SLC25A44: variants seen among roughly 807,000 people sequenced by gnomAD.
SLC25A44 encodes the protein solute carrier family 25 member 44.
A neutral mutation model predicts 29.9 loss-of-function variants in SLC25A44; 17 were observed. That is an observed-to-expected ratio of 0.57 (90% CI 0.39 to 0.85). The LOEUF is 0.85. Ranked by LOEUF, SLC25A44 falls within the 40% of genes least tolerant of loss-of-function variation. SLC25A44 has a pLI of 0.00. For synonymous variants in SLC25A44, 140 were observed against 151.8 expected, an observed-to-expected ratio of 0.92 and a Z score of 0.57; for missense variants, 302 against 398.4, an observed-to-expected ratio of 0.76 and a Z score of 2.06.
chr1:156,212,791 C>T lies in SLC25A44; in HGVS notation c.*2360C>T. On this transcript the variant is annotated 3_prime_UTR_variant, in exon 4 of 4. Transcript: ENST00000359511. ...ATGTAATTAAAAGTTTTTATTGAGC[C>T]CCCGAGCTTTGGCTTGCGCGTATTT... 1 of 628,866 alleles carries T rather than the reference C, an allele frequency of 1.6e-6. No homozygotes were observed. Among genetic ancestry groups the T allele is most frequent in the South Asian group, 2.0e-5 (1 of 49,178 alleles). 39.0% of individuals were successfully genotyped at this position (628,866 alleles called of 1,614,324 possible). A position where few individuals can be genotyped will look rare whatever the true frequency, so the allele number is the denominator to read the frequency against.
chr1:156,207,802 G>C, intron 2 of SLC25A44, 84 bp from the exon 3 acceptor site: 2 of 1,538,746 alleles, frequency 1.3e-6, no homozygotes, highest in Non-Finnish European at 1.8e-6. Context: ...GGTTGGGAAA[G>C]CCACCTGGTA....
At position 156,194,115 on chromosome 1, in the gene SLC25A44, C is replaced by T. The variant is rs41265025; in HGVS notation, c.-146C>T. On this transcript the variant is annotated 5_prime_UTR_variant, in exon 1 of 4. Coordinates refer to ENST00000359511, the MANE Select transcript of SLC25A44 (RefSeq NM_014655.4). ...TTCCGGTTCCGGCAGTACCGGTAGCCCAGTCGAGATGGAGGAAGATGCGAC... is the reference window on the plus strand; with the variant it reads ...TTCCGGTTCCGGCAGTACCGGTAGCTCAGTCGAGATGGAGGAAGATGCGAC... 33,213 of 152,754 alleles carry T rather than the reference C, an allele frequency of 0.22. 4,090 individuals are homozygous for T. Among genetic ancestry groups the T allele is most frequent in the Non-Finnish European group, 0.28 (18,756 of 68,012 alleles). 9.5% of individuals were successfully genotyped at this position (152,754 alleles called of 1,614,324 possible).
In SLC25A44 at chr1:156,199,568, G is replaced by A. The variant is rs571516132; in HGVS notation, c.-13-267G>A. 1.3e-5 allele frequency: 6 copies of A among 468,472 alleles called. No individual in the cohort carries two copies. In the South Asian group the frequency reaches 1.4e-4, roughly 11 times the overall value. The allele number at this position is 468,472 out of a possible 1,614,324, so 29.0% of individuals were successfully genotyped here. On this transcript the variant is annotated intron_variant, in intron 1 of 3. Transcript: ENST00000359511. ...AGCCGAGGAGGCCATGGAGCCAGGG[G>A]AATCATTGAAGTGAGGGACAATTTC...
rs1656473817 is a variant in SLC25A44, at chr1:156,200,234, C to T, written c.387C>T (p.Pro129=). The T allele has an allele frequency of 6.2e-7, 1 of 1,614,144 alleles. No homozygotes were observed. Among genetic ancestry groups the T allele is most frequent in the Non-Finnish European group, 8.5e-7 (1 of 1,180,014 alleles). ...ASLVAQSITV[P]IDVVSQHLMM... is the part of the protein sequence containing the mutation. ...TTGTGGCCCAGAGCATCACAGTGCC[C>T]ATTGATGTAGTCTCCCAGCACCTGA... The change falls in exon 2 of 4, where the codon CCC becomes CCT. Residue 129 remains proline, a synonymous_variant. Transcript: ENST00000359511.
At chr1:156,204,050 C>T (rs1656774075) in intron 2 of SLC25A44, among the ~76,000 whole-genome samples, 1 of 145,304 alleles carries the variant, frequency 6.9e-6, no homozygotes, top group Admixed American at 7.0e-5. Context: ...TCTTGTTGCC[C>T]AAACTGGAGT....
rs1486027597 is a variant in SLC25A44, at chr1:156,212,784, A to G, written c.*2353A>G. ...CTCTGAAATGTAATTAAAAGTTTTT[A>G]TTGAGCCCCCGAGCTTTGGCTTGCG... On this transcript the variant is annotated 3_prime_UTR_variant, in exon 4 of 4. Transcript: ENST00000359511. 3 of 603,380 alleles carry G rather than the reference A, an allele frequency of 5.0e-6. No homozygotes were observed. The African/African-American group carries it at 5.6e-5, about 11-fold the overall frequency. 37.4% of individuals were successfully genotyped at this position (603,380 alleles called of 1,614,324 possible).
chr1:156,198,809 G>A lies in SLC25A44; in HGVS notation c.-13-1026G>A, dbSNP rs781389303. The A allele has an allele frequency of 6.6e-6, 1 of 152,170 alleles. No homozygotes were observed. The highest frequency in any genetic ancestry group is 1.5e-5 in the Non-Finnish European group (1 of 68,040). The allele number at this position is 152,170 out of a possible 1,614,324, so 9.4% of individuals were successfully genotyped here. A position where few individuals can be genotyped will look rare whatever the true frequency, so the allele number is the denominator to read the frequency against. Reference sequence around the variant, plus strand: ...CGATACTGTGTATCCTTGAACAGACGGTTTCTTGAAGTCAGAGTCTATCTC... The same window carrying A: ...CGATACTGTGTATCCTTGAACAGACAGTTTCTTGAAGTCAGAGTCTATCTC... On this transcript the variant is annotated intron_variant, in intron 1 of 3. Transcript: ENST00000359511. This position sits in a 1 kb window ranked among gnomAD's most constrained non-coding sequence, Gnocchi z 4.1.
chr1:156,210,081 C>T (rs1216498647), intron 3 of SLC25A44, among the ~76,000 whole-genome samples, 159 bp from the exon 4 acceptor site: 1 of 152,072 alleles, frequency 6.6e-6, no homozygotes, highest in African/African-American at 2.4e-5. Context: ...GGCACCAGGG[C>T]TCATACTAAA....
Position 156,199,818 on chromosome 1 carries a change from T to C in SLC25A44, c.-13-17T>C. On this transcript the variant is annotated splice_polypyrimidine_tract_variant and intron_variant, in intron 1 of 3. Coordinates refer to ENST00000359511, the MANE Select transcript of SLC25A44 (RefSeq NM_014655.4). ...CACCCTCCTTCTTCACATCCCTCCA[T>C]ACTGCTCAAATCCCAGGTCTTCAGG... The C allele has an allele frequency of 3.8e-6, 6 of 1,599,172 alleles. No homozygotes were observed. In the South Asian group the frequency reaches 6.8e-5, roughly 18 times the overall value.
chr1:156,199,724 GAGT>G, intron 1 of SLC25A44, 108 bp from the exon 2 acceptor site: 12 of 855,650 alleles, frequency 1.4e-5, no homozygotes, highest in Admixed American at 5.3e-5. Context: ...TTGGGCAGGT[GAGT>G]GTCCAGGAGA....
intron 1 of SLC25A44, among the ~76,000 whole-genome samples, chr1:156,195,104 A>ATTT (rs1191256706): frequency 2.2e-5 from 3 of 136,798 alleles, no homozygotes; most frequent in African/African-American, 8.1e-5. Context: ...CTACAGCTCT[A>ATTT]TTTTTTTTTT....
chr1:156,210,507 C>T lies in SLC25A44; in HGVS notation c.*76C>T. The T allele has an allele frequency of 9.2e-7, 1 of 1,084,366 alleles. No homozygotes were observed. Among genetic ancestry groups the T allele is most frequent in the Non-Finnish European group, 1.3e-6 (1 of 776,872 alleles). The allele number at this position is 1,084,366 out of a possible 1,614,324, so 67.2% of individuals were successfully genotyped here. On this transcript the variant is annotated 3_prime_UTR_variant, in exon 4 of 4. Transcript: ENST00000359511. Reference sequence around the variant, plus strand: ...GGCAGAGTGGAGAGGACAGCACCCTCTCCAGGTGCTCCCACCACACACCCA... The same window carrying T: ...GGCAGAGTGGAGAGGACAGCACCCTTTCCAGGTGCTCCCACCACACACCCA...
chr1:156,200,097 C>G lies in SLC25A44; in HGVS notation c.250C>G (p.Leu84Val). 1 of 1,614,186 alleles carries G rather than the reference C, an allele frequency of 6.2e-7. No homozygotes were observed. Among genetic ancestry groups the G allele is most frequent in the Non-Finnish European group, 8.5e-7 (1 of 1,180,042 alleles). ...AGGGTTCCTGGTCAATACCTTCACC[C>G]TCATCTCTGGCCAGTGTTATGTCAC... ...YRGFLVNTFTLISGQCYVTTY... is the reference protein window; with the variant it reads ...YRGFLVNTFTVISGQCYVTTY... Residue 84 changes from leucine to valine, a missense_variant, in exon 2 of 4, where the codon CTC becomes GTC. Coordinates refer to ENST00000359511, the MANE Select transcript of SLC25A44 (RefSeq NM_014655.4).
chr1:156,200,545 A>G, intron 2 of SLC25A44, 73 bp downstream of exon 2: 1 of 1,376,228 alleles, frequency 7.3e-7, no homozygotes, highest in African/African-American at 1.4e-5. Flanking sequence ...TGCTTTGTGC[A>G]TGTTAGAGTG....
At chr1:156,208,854 GACAGTTAC>G (rs1657119075) in intron 3 of SLC25A44, among the ~76,000 whole-genome samples, 1 of 152,206 alleles carries the variant, frequency 6.6e-6, no homozygotes, top group South Asian at 2.1e-4. Context: ...TCAGCTTAAA[GACAGTTAC>G]ACAGCACCTA....
At chr1:156,202,663 C>CAT (rs1363126549) in intron 2 of SLC25A44, among the ~76,000 whole-genome samples, 1 of 152,194 alleles carries the variant, frequency 6.6e-6, no homozygotes, top group Non-Finnish European at 1.5e-5. Flanking sequence ...TCCCCTTTTT[C>CAT]ATCCCCATGA....
chr1:156,200,179 A>G lies in SLC25A44; in HGVS notation c.332A>G (p.Lys111Arg). The G allele has an allele frequency of 6.2e-7, 1 of 1,614,204 alleles. No homozygotes were observed. The highest frequency in any genetic ancestry group is 1.1e-5 in the South Asian group (1 of 91,082). The change falls in exon 2 of 4, where the codon AAA becomes AGA. Residue 111 changes from lysine (K) to arginine (R), a missense_variant. Coordinates refer to ENST00000359511, the MANE Select transcript of SLC25A44 (RefSeq NM_014655.4). ...GACTACAGCCAGAGTAACACAGTCAAATCACTGGTGGCTGGTGGCTCAGCC... is the reference window on the plus strand; with the variant it reads ...GACTACAGCCAGAGTAACACAGTCAGATCACTGGTGGCTGGTGGCTCAGCC... Reference protein sequence around the residue: ...VADYSQSNTVKSLVAGGSASL... With the variant: ...VADYSQSNTVRSLVAGGSASL...
intron 3 of SLC25A44, among the ~76,000 whole-genome samples, chr1:156,209,438 G>T (rs1194803868): frequency 6.6e-6 from 1 of 152,178 alleles, no homozygotes; most frequent in Non-Finnish European, 1.5e-5. Flanking sequence ...AGCGGGGGAT[G>T]TTCTTAGCCA....
In SLC25A44 at chr1:156,199,895, C is replaced by A. The variant is rs750399695; in HGVS notation, c.48C>A (p.Asp16Glu). 1 of 1,614,002 alleles carries A rather than the reference C, an allele frequency of 6.2e-7. No homozygotes were observed. Among genetic ancestry groups the A allele is most frequent in the Admixed American group, 1.7e-5 (1 of 59,998 alleles). ...NIQIIEWEHLDKKKFYVFGVA... is the reference protein window; with the variant it reads ...NIQIIEWEHLEKKKFYVFGVA... ...AGATCATCGAGTGGGAACACCTGGA[C>A]AAGAAGAAGTTCTACGTGTTTGGTG... The change falls in exon 2 of 4, where the codon GAC becomes GAA. Residue 16 changes from aspartate to glutamate, a missense_variant. Coordinates refer to ENST00000359511, the MANE Select transcript of SLC25A44 (RefSeq NM_014655.4).
Sources: gnomAD v4.1 joint callset for allele counts (sites outside exome capture counted in the v4.1 genomes callset) on GRCh38, gnomAD v4.1.1 for gene constraint, Gnocchi (gnomAD v3.1) non-coding constraint, MANE v1.5 for transcripts, NCBI Gene and HGNC (gene_info 2026-07-23, HGNC 2026-07-21) for gene names.